Variants in GJB7 observed in about 807,000 individuals in gnomAD.
The protein encoded by GJB7 is gap junction protein beta 7.
For missense variants in GJB7, 253 were observed against 256.8 expected (o/e 0.99, Z 0.10); for synonymous variants, 87 against 95.2 (o/e 0.91, Z 0.50).
chr6:87,310,476 AT>A (rs1434460597), intron 2 of GJB7, among the ~76,000 whole-genome samples: 2 of 152,182 alleles, frequency 1.3e-5, no homozygotes, highest in African/African-American at 4.8e-5. Context: ...TACAGAATTC[AT>A]AAAAATTAAT....
intron 2 of GJB7, among the ~76,000 whole-genome samples, chr6:87,312,887 T>C (rs559192723): frequency 1.1e-4 from 17 of 152,324 alleles, no homozygotes; most frequent in Admixed American, 2.0e-4. Flanking sequence ...TCCTAGTTGC[T>C]TGGAATGAGT....
chr6:87,287,669 A>G (rs1249271327), intron 2 of GJB7, among the ~76,000 whole-genome samples: 2 of 152,226 alleles, frequency 1.3e-5, no homozygotes, highest in Admixed American at 1.3e-4. Flanking sequence ...ATGTTTCCCT[A>G]TGACATGTAT....
intron 2 of GJB7, among the ~76,000 whole-genome samples, chr6:87,289,962 A>G (rs1776139111): frequency 2.6e-5 from 4 of 152,180 alleles, no homozygotes; most frequent in African/African-American, 7.2e-5. Context: ...TGGATTTCCA[A>G]TTGCCTTGCA....
At position 87,305,690 on chromosome 6, in the gene GJB7, T is replaced by C. The variant is rs181516577; in HGVS notation, c.-28+17176A>G. On this transcript the variant is annotated intron_variant, in intron 2 of 2. Coordinates refer to ENST00000525899, the MANE Select transcript of GJB7 (RefSeq NM_198568.3). ...GGAAAAAGCTACTTTAAAGTTCATA[T>C]GGAACCAAAAAAGAGCCAGCATTGC... Among the ~76,000 whole-genome samples the C allele has an allele frequency of 9.4e-3, 1,436 of 152,266 alleles. 19 individuals are homozygous for C. Among genetic ancestry groups the C allele is most frequent in the African/African-American group, 0.033 (1,351 of 41,530 alleles).
intron 2 of GJB7, among the ~76,000 whole-genome samples, chr6:87,288,781 C>T (rs1193401334): frequency 1.3e-5 from 2 of 152,136 alleles, no homozygotes; most frequent in African/African-American, 4.8e-5. Flanking sequence ...AAGTTTTTAC[C>T]TTTGAAATAC....
chr6:87,292,375 T>C (rs1459291996), intron 2 of GJB7, among the ~76,000 whole-genome samples: 1 of 152,228 alleles, frequency 6.6e-6, no homozygotes, highest in Non-Finnish European at 1.5e-5. Flanking sequence ...ATGAGCTTAA[T>C]TTAACTTCAC....
chr6:87,317,214 A>AAAAC (rs1333919125), intron 2 of GJB7, among the ~76,000 whole-genome samples: 3 of 151,038 alleles, frequency 2.0e-5, no homozygotes, highest in Admixed American at 2.0e-4. Context: ...AAAAAAAAAA[A>AAAAC]TTAGCCGGGC....
Position 87,284,406 on chromosome 6 carries a change from G to A in GJB7, c.507C>T (p.Phe169=). The A allele has an allele frequency of 6.2e-7, 1 of 1,614,190 alleles. No individual in the cohort carries two copies. Among genetic ancestry groups the A allele is most frequent in the Admixed American group, 1.7e-5 (1 of 60,024 alleles). ...TCGTCTTCTCAGTGGGTTTGGAGAT[G>A]AAGCAGTCCACAGTGTTGGGACAAG... ...LKPCPNTVDC[F]ISKPTEKTIF... The change falls in exon 3 of 3, where the codon TTC becomes TTT. Residue 169 remains phenylalanine (F), a synonymous_variant. Coordinates refer to ENST00000525899, the MANE Select transcript of GJB7 (RefSeq NM_198568.3).
chr6:87,318,258 A>G (rs1025825977), intron 2 of GJB7, among the ~76,000 whole-genome samples: 6 of 152,150 alleles, frequency 3.9e-5, no homozygotes, highest in African/African-American at 9.7e-5. Context: ...TACAAGCACC[A>G]CTAGAAAACA....
intron 2 of GJB7, among the ~76,000 whole-genome samples, chr6:87,316,458 T>A (rs1382981169): frequency 6.6e-6 from 1 of 152,210 alleles, no homozygotes; most frequent in Non-Finnish European, 1.5e-5. Flanking sequence ...CCCCTGATTA[T>A]CCTTGTGAAG....
chr6:87,321,117 G>A (rs1303789564), intron 2 of GJB7, among the ~76,000 whole-genome samples: 1 of 151,828 alleles, frequency 6.6e-6, no homozygotes, highest in African/African-American at 2.4e-5. Context: ...TACTCGGGAG[G>A]ATGAGGCAGG....
chr6:87,288,956 CTG>C (rs1352129525), intron 2 of GJB7, among the ~76,000 whole-genome samples: 4 of 152,156 alleles, frequency 2.6e-5, no homozygotes, highest in Non-Finnish European at 5.9e-5. Flanking sequence ...AAAATGGAGA[CTG>C]TATATTCTCA....
intron 2 of GJB7, among the ~76,000 whole-genome samples, chr6:87,286,938 C>T (rs1373866073): frequency 1.3e-5 from 2 of 152,208 alleles, no homozygotes; most frequent in African/African-American, 4.8e-5. Flanking sequence ...TCAACACTTG[C>T]ACCATACACA....
chr6:87,294,152 T>C (rs1776217095), intron 2 of GJB7, among the ~76,000 whole-genome samples: 1 of 152,128 alleles, frequency 6.6e-6, no homozygotes, highest in Non-Finnish European at 1.5e-5. Flanking sequence ...TAAAGCGAAA[T>C]AAGAAAGGCA....
At chr6:87,327,323 AT>A (rs1212362077) in intron 1 of GJB7, among the ~76,000 whole-genome samples, 3 of 151,452 alleles carry the variant, frequency 2.0e-5, no homozygotes, top group Non-Finnish European at 4.4e-5. Context: ...TTAGCTCGTT[AT>A]TTTGCTCGTT....
At chr6:87,300,344 TG>T in intron 2 of GJB7, 1 of 203,196 alleles carries the variant, frequency 4.9e-6, no homozygotes, top group Non-Finnish European at 1.1e-5. Flanking sequence ...TGGGCGCTGC[TG>T]GGGTGCACTC....
At chr6:87,324,685 C>G (rs186278728) in intron 1 of GJB7, among the ~76,000 whole-genome samples, 93,362 of 149,922 alleles carry the variant, frequency 0.62, 29,516 homozygotes, top group African/African-American at 0.7. Flanking sequence ...TTGTAGTATA[C>G]TTTGAAGTCA....
At chr6:87,325,872 T>TTCGG (rs1253530132) in intron 1 of GJB7, among the ~76,000 whole-genome samples, 3 of 152,238 alleles carry the variant, frequency 2.0e-5, no homozygotes, top group African/African-American at 7.2e-5. Flanking sequence ...TCTGTTAGAA[T>TTCGG]TCGGCTGTGA....
intron 1 of GJB7, among the ~76,000 whole-genome samples, chr6:87,323,551 T>C (rs550111895): frequency 1.6e-4 from 24 of 151,840 alleles, no homozygotes; most frequent in Non-Finnish European, 2.9e-4. Context: ...TGCGATAGTT[T>C]ACTGAGAATG....
Sources: gnomAD v4.1 joint callset for allele counts (sites outside exome capture counted in the v4.1 genomes callset) on GRCh38, gnomAD v4.1.1 for gene constraint, MANE v1.5 for transcripts, NCBI Gene and HGNC (gene_info 2026-07-23, HGNC 2026-07-21) for gene names.